C7orf33: variants seen among roughly 807,000 people sequenced by gnomAD.
C7orf33 encodes uncharacterized protein C7orf33.
In C7orf33, 15 loss-of-function variants were observed where a neutral mutation model predicts 13.4. That is an observed-to-expected ratio of 1.12 (90% CI 0.75 to 1.72). The LOEUF (loss-of-function observed/expected upper bound fraction) is 1.72, where lower values mean the gene tolerates loss of function less well. C7orf33 is among the 40% of genes most tolerant of loss of function. C7orf33 has a pLI of 0.00. For missense variants in C7orf33, 187 were observed against 220.3 expected (o/e 0.85, Z 0.96); for synonymous variants, 73 against 83.2 (o/e 0.88, Z 0.67).
chr7:148,604,871 A>G (rs1159164811), intron 1 of C7orf33, among the ~76,000 whole-genome samples: 1 of 152,254 alleles, frequency 6.6e-6, no homozygotes, highest in Non-Finnish European at 1.5e-5. Flanking sequence ...ATGCTTCAAC[A>G]TGAATTAAAT....
At chr7:148,598,783 G>T (rs1460108734) in intron 1 of C7orf33, among the ~76,000 whole-genome samples, 148 of 130,590 alleles carry the variant, frequency 1.1e-3, no homozygotes, top group Non-Finnish European at 1.4e-3. Context: ...GAGAGAGAGA[G>T]AGAGAGAGAG....
At chr7:148,594,586 T>C (rs1796307861) in intron 1 of C7orf33, among the ~76,000 whole-genome samples, 1 of 152,164 alleles carries the variant, frequency 6.6e-6, no homozygotes, top group South Asian at 2.1e-4. Flanking sequence ...GTAAGGGTAC[T>C]AAGATGACAC....
intron 2 of C7orf33, 22 bp downstream of exon 2, chr7:148,614,318 C>T: frequency 6.2e-7 from 1 of 1,602,138 alleles, no homozygotes; most frequent in Non-Finnish European, 8.5e-7. Flanking sequence ...AGTGTCTTAG[C>T]ACCTCCAAGT....
intron 1 of C7orf33, 41 bp from the exon 2 acceptor site, chr7:148,614,001 C>A: frequency 6.3e-7 from 1 of 1,585,042 alleles, no homozygotes; most frequent in Non-Finnish European, 8.6e-7. Flanking sequence ...ACCATCTTTC[C>A]ACCCTTTAAC....
At chr7:148,614,949 G>A (rs1300110200) in intron 2 of C7orf33, among the ~76,000 whole-genome samples, 1 of 152,136 alleles carries the variant, frequency 6.6e-6, no homozygotes, top group African/African-American at 2.4e-5. Context: ...AAAGTTCTAA[G>A]CAAATAGGTT....
chr7:148,600,953 C>A (rs1481001080), intron 1 of C7orf33, among the ~76,000 whole-genome samples: 1 of 152,028 alleles, frequency 6.6e-6, no homozygotes, highest in African/African-American at 2.4e-5. Flanking sequence ...CAGGCACACG[C>A]CACCACACCC....
Position 148,598,705 on chromosome 7 carries a change from TA to T in C7orf33, c.204+7584del, listed in dbSNP as rs1168299316. ...ACATACCTATATATATGTATATATA[TA>T]AAAAAAATTTCATTCCTGGATATAT... On this transcript the variant is annotated intron_variant, in intron 1 of 2. Transcript: ENST00000307003. 7.8e-5 allele frequency among the ~76,000 whole-genome samples: 10 copies of T among 128,750 alleles called. 1 individual carries two copies. The highest frequency in any genetic ancestry group is 2.3e-4 in the East Asian group (1 of 4,430). 84.5% of individuals were successfully genotyped at this position (128,750 alleles called of 152,430 possible).
At chr7:148,609,659 C>G (rs1796513433) in intron 1 of C7orf33, among the ~76,000 whole-genome samples, 1 of 152,128 alleles carries the variant, frequency 6.6e-6, no homozygotes, top group South Asian at 2.1e-4. Context: ...ACAAGCAAAT[C>G]TCTCCCCGAG....
intron 1 of C7orf33, among the ~76,000 whole-genome samples, chr7:148,608,312 C>T (rs1192106662): frequency 6.6e-6 from 1 of 151,850 alleles, no homozygotes; most frequent in Non-Finnish European, 1.5e-5. Context: ...CGCCTGTAGT[C>T]CCAGCTACTT....
At position 148,614,038 on chromosome 7, in the gene C7orf33, C is replaced by T; in HGVS notation, c.205-4C>T. ...CAATTTGTTTGTTTGTTTGTTTTTT[C>T]CAGAAGCCAAACCCACACCAAAACA... On this transcript the variant is annotated splice_polypyrimidine_tract_variant and splice_region_variant and intron_variant, in intron 1 of 2. Transcript: ENST00000307003. 1 of 1,610,702 alleles carries T rather than the reference C, an allele frequency of 6.2e-7. No individual in the cohort carries two copies. The highest frequency in any genetic ancestry group is 8.5e-7 in the Non-Finnish European group (1 of 1,177,666).
At chr7:148,595,444 ATATATATTATATAGCTATATATATGCTAT>A (rs1796321729) in intron 1 of C7orf33, among the ~76,000 whole-genome samples, 1 of 129,170 alleles carries the variant, frequency 7.7e-6, no homozygotes, top group Non-Finnish European at 1.5e-5. Flanking sequence ...TATAATATAG[ATATATATTATATAGCTATATATATGCTAT>A]TATATATTAT....
At position 148,614,093 on chromosome 7, in the gene C7orf33, G is replaced by A. The variant is rs1796575461; in HGVS notation, c.256G>A (p.Val86Ile). The change falls in exon 2 of 3, where the codon GTA (valine) becomes ATA (isoleucine). Residue 86 changes from valine (V) to isoleucine (I), a missense_variant. Physicochemically the swap from Val to Ile is conservative, Grantham distance 29. Transcript: ENST00000307003. The stretch of plus-strand genomic sequence containing the variant: ...CCGGGGGATGGAATTTATTGCTCCT[G>A]TATCAGCTCCCACCAAATCTGGTGC... ...MNRGMEFIAP[V>I]SAPTKSGAPW... is the part of the protein sequence containing the mutation. 3 of 1,614,060 alleles carry A rather than the reference G, an allele frequency of 1.9e-6. No homozygotes were observed. Among genetic ancestry groups the A allele is most frequent in the Non-Finnish European group, 2.5e-6 (3 of 1,180,042 alleles).
intron 1 of C7orf33, among the ~76,000 whole-genome samples, chr7:148,598,665 T>C (rs1287435730): frequency 1.4e-5 from 2 of 142,670 alleles, no homozygotes; most frequent in Non-Finnish European, 3.0e-5. Flanking sequence ...TCTATATATA[T>C]ATACACACAC....
chr7:148,615,305 A>C (rs781058511), intron 2 of C7orf33, 22 bp from the exon 3 acceptor site: 6 of 1,532,012 alleles, frequency 3.9e-6, no homozygotes, highest in Non-Finnish European at 4.5e-6. Flanking sequence ...AGATAACAGA[A>C]GTCTTCGTAA....
intron 1 of C7orf33, among the ~76,000 whole-genome samples, chr7:148,608,960 G>A (rs193286689): frequency 6.6e-6 from 1 of 152,278 alleles, no homozygotes; most frequent in East Asian, 1.9e-4. Flanking sequence ...GGCCTCTTTT[G>A]GAAACATGGC....
chr7:148,597,250 T>A (rs1796351066), intron 1 of C7orf33, among the ~76,000 whole-genome samples: 1 of 151,732 alleles, frequency 6.6e-6, no homozygotes, highest in Admixed American at 6.6e-5. Context: ...AATTAAAATA[T>A]TTTCAAAATG....
chr7:148,614,082 T>G lies in C7orf33; in HGVS notation c.245T>G (p.Phe82Cys), dbSNP rs1200799469. 7.4e-6 allele frequency: 12 copies of G among 1,614,084 alleles called. No homozygotes were observed. Among genetic ancestry groups the G allele is most frequent in the Non-Finnish European group, 9.3e-6 (11 of 1,180,042 alleles). Residue 82 changes from phenylalanine to cysteine, a missense_variant, in exon 2 of 3, where the codon TTT (phenylalanine) becomes TGT (cysteine). Phe to Cys is a radical substitution (Grantham distance 205, BLOSUM62 -2). Coordinates refer to ENST00000307003, the MANE Select transcript of C7orf33 (RefSeq NM_145304.4). ...CAAAACATGAACCGGGGGATGGAAT[T>G]TATTGCTCCTGTATCAGCTCCCACC... ...PHQNMNRGME[F>C]IAPVSAPTKS... is the part of the protein sequence containing the mutation.
intron 1 of C7orf33, among the ~76,000 whole-genome samples, chr7:148,610,610 G>A (rs1031338716): frequency 2.0e-5 from 3 of 151,926 alleles, no homozygotes; most frequent in African/African-American, 7.3e-5. Context: ...TAGTTCTGTC[G>A]CTCTGGGGAA....
intron 1 of C7orf33, among the ~76,000 whole-genome samples, chr7:148,596,475 C>T (rs1417692192): frequency 6.6e-6 from 1 of 152,232 alleles, no homozygotes; most frequent in African/African-American, 2.4e-5. Flanking sequence ...TACAGTTCCA[C>T]ATGGCTGGGG....
Sources: gnomAD v4.1 joint callset for allele counts (sites outside exome capture counted in the v4.1 genomes callset) on GRCh38, gnomAD v4.1.1 for gene constraint, MANE v1.5 for transcripts, NCBI Gene and HGNC (gene_info 2026-07-23, HGNC 2026-07-21) for gene names.